The following SASS6 variants were observed in gnomAD, a reference collection of about 807,000 sequenced individuals.
SASS6 encodes spindle assembly abnormal protein 6 homolog.
Under a neutral mutation model 94.9 loss-of-function variants are expected in SASS6, and 59 were observed. The observed-to-expected ratio is 0.62, with a 90% CI of 0.50 to 0.77. SASS6 has a LOEUF of 0.77. Among genes scored for constraint, SASS6 ranks in the 30% least tolerant of loss-of-function variants. SASS6 has a pLI of 0.00. For synonymous variants in SASS6, 264 were observed against 270.0 expected (o/e 0.98, Z 0.22); for missense variants, 698 against 734.1 (o/e 0.95, Z 0.57).
At chr1:100,124,403 T>C (rs891961043) in intron 2 of SASS6, among the ~76,000 whole-genome samples, 1 of 152,174 alleles carries the variant, frequency 6.6e-6, no homozygotes, top group Non-Finnish European at 1.5e-5. Context: ...TTTTTTGACA[T>C]GGGGTCTCGC....
chr1:100,132,689 T>G (rs898814455), intron 1 of SASS6, 61 bp downstream of exon 1: 1 of 1,360,848 alleles, frequency 7.3e-7, no homozygotes, highest in African/African-American at 1.4e-5. Context: ...AGAACCGCCA[T>G]CTTTCCCCAT....
chr1:100,129,755 G>A (rs1486337733), intron 1 of SASS6, among the ~76,000 whole-genome samples: 3 of 152,158 alleles, frequency 2.0e-5, no homozygotes. Flanking sequence ...AAGAATGCTT[G>A]TATGACTTTC....
chr1:100,129,878 A>C (rs1185447303), intron 1 of SASS6, among the ~76,000 whole-genome samples: 1 of 152,230 alleles, frequency 6.6e-6, no homozygotes, highest in Non-Finnish European at 1.5e-5. Context: ...GATCATTACC[A>C]CTGTCCTCAA....
chr1:100,092,645 G>A (rs961980682), intron 14 of SASS6, among the ~76,000 whole-genome samples: 2 of 151,830 alleles, frequency 1.3e-5, no homozygotes, highest in Non-Finnish European at 2.9e-5. Context: ...GCGCAATCTC[G>A]GCTCGCTGCA....
At position 100,102,960 on chromosome 1, in the gene SASS6, T is replaced by C. The variant is rs1652610867; in HGVS notation, c.1669A>G (p.Thr557Ala). 1 of 1,610,170 alleles carries C rather than the reference T, an allele frequency of 6.2e-7. No homozygotes were observed. ...GTATTAGTTAATTTGGCTACCTTTG[T>C]TCCTGAACCAGGGTGGCTGGTATTT... ...AKNTSHPGSG[T>A]KVQFNLQFTK... Residue 557 changes from threonine (T) to alanine (A), a missense_variant, in exon 14 of 17, where the codon ACA (threonine) becomes GCA (alanine). Physicochemically the swap from Thr to Ala is moderately conservative, Grantham distance 58. Coordinates refer to ENST00000287482, the MANE Select transcript of SASS6 (RefSeq NM_194292.3).
rs146122041 is a variant in SASS6, at chr1:100,107,327, C to G, written c.1326+47G>C. 29,428 of 1,224,756 alleles carry G rather than the reference C, an allele frequency of 0.024. 534 individuals carry two copies. The highest frequency in any genetic ancestry group is 0.076 in the South Asian group (5,488 of 72,252). The allele number at this position is 1,224,756 out of a possible 1,614,324, so 75.9% of individuals were successfully genotyped here. A position where few individuals can be genotyped will look rare whatever the true frequency, so the allele number is the denominator to read the frequency against. On this transcript the variant is annotated intron_variant, in intron 11 of 16. Coordinates refer to ENST00000287482, the MANE Select transcript of SASS6 (RefSeq NM_194292.3). The stretch of plus-strand genomic sequence containing the variant: ...TGTAACAAAGCATAAATTTTTAAAA[C>G]GAGGAAAAAATTTAGTTACAACATA...
Position 100,086,615 on chromosome 1 carries a change from C to T in SASS6, c.1773-985G>A, listed in dbSNP as rs116808749. Among the ~76,000 whole-genome samples, 268 of 151,478 alleles carry T rather than the reference C, an allele frequency of 1.8e-3. 1 individual carries two copies. Among genetic ancestry groups the T allele is most frequent in the African/African-American group, 6.1e-3 (251 of 41,264 alleles). On this transcript the variant is annotated intron_variant, in intron 15 of 16. Coordinates refer to ENST00000287482, the MANE Select transcript of SASS6 (RefSeq NM_194292.3). ...TACTACAGACTCCAACTCCCAGGCT[C>T]AAGTGATCCCTCAGCCTCCCAAGCA...
chr1:100,121,256 C>G (rs974821335), intron 5 of SASS6, 122 bp downstream of exon 5: 2 of 589,614 alleles, frequency 3.4e-6, no homozygotes, highest in African/African-American at 3.9e-5. Flanking sequence ...AAAATAAATT[C>G]GTTATATTTC....
At chr1:100,112,244 T>G (rs1469275318) in intron 7 of SASS6, among the ~76,000 whole-genome samples, 3 of 151,954 alleles carry the variant, frequency 2.0e-5, no homozygotes, top group Non-Finnish European at 2.9e-5. Context: ...TGGAAGAATA[T>G]TAGATGAGAA....
intron 7 of SASS6, among the ~76,000 whole-genome samples, chr1:100,112,417 G>GA (rs1653416409): frequency 6.6e-6 from 1 of 151,822 alleles, no homozygotes; most frequent in South Asian, 2.1e-4. Flanking sequence ...TTTCCTCACA[G>GA]AAAAAAAGCT....
rs895332539 is a variant in SASS6 at position 100,107,834 on chromosome 1, T to C, written c.1032A>G (p.Ala344=). 1.2e-6 allele frequency: 2 copies of C among 1,611,746 alleles called. No individual in the cohort carries two copies. The highest frequency in any genetic ancestry group is 1.7e-5 in the Admixed American group (1 of 59,938). Residue 344 remains alanine (A), a synonymous_variant, in exon 9 of 17, where the codon GCA becomes GCG. Transcript: ENST00000287482. ...CCTTTTGTTCCTGGATTGTATCAAATGCCTCTTTTGTTCTTAAAACAAGCT... is the reference window on the plus strand; with the variant it reads ...CCTTTTGTTCCTGGATTGTATCAAACGCCTCTTTTGTTCTTAAAACAAGCT... ...KDQLVLRTKE[A]FDTIQEQKVV... is the part of the protein sequence containing the mutation.
At chr1:100,117,604 G>C (rs2101679521) in intron 7 of SASS6, among the ~76,000 whole-genome samples, 1 of 150,602 alleles carries the variant, frequency 6.6e-6, no homozygotes, top group East Asian at 2.0e-4. Context: ...AGTGAGCCGA[G>C]ATAGTGCCAC....
chr1:100,093,825 C>T (rs554747602), intron 14 of SASS6, among the ~76,000 whole-genome samples: 1 of 151,672 alleles, frequency 6.6e-6, no homozygotes, highest in Admixed American at 6.6e-5. Flanking sequence ...ATACAAATAC[C>T]AAAATTTGTG....
At chr1:100,085,461 CTGGTATTCATTAAGTCTT>C (rs777229719) in intron 16 of SASS6, 27 bp from the exon 17 acceptor site, 1 of 1,569,302 alleles carries the variant, frequency 6.4e-7, no homozygotes. Context: ...AAAAAGGTTA[CTGGTATTCATTAAGTCTT>C]CATACATTAA....
In SASS6 at chr1:100,110,425, T is replaced by C. The variant is rs769728804; in HGVS notation, c.728A>G (p.His243Arg). 103 of 1,611,640 alleles carry C rather than the reference T, an allele frequency of 6.4e-5. No individual in the cohort carries two copies. The highest frequency in any genetic ancestry group is 8.3e-5 in the Non-Finnish European group (98 of 1,178,382). Residue 243 changes from histidine (H) to arginine (R), a missense_variant, in exon 8 of 17, where the codon CAT (histidine) becomes CGT (arginine). His to Arg is a conservative substitution (Grantham distance 29). Coordinates refer to ENST00000287482, the MANE Select transcript of SASS6 (RefSeq NM_194292.3). ...TTGTAGCTGGTGGATGTTTTGTTGA[T>C]GGAGGATTTCTAAATCTTTTTTCTG... ...EQQKKDLEIL[H>R]QQNIHQLQNR...
intron 14 of SASS6, among the ~76,000 whole-genome samples, chr1:100,101,700 A>C (rs2101654748): frequency 1.3e-5 from 2 of 152,336 alleles, no homozygotes; most frequent in Middle Eastern, 6.8e-3. Flanking sequence ...CTTCGAATGC[A>C]CATATCTAAT....
chr1:100,116,679 T>C (rs1460263307), intron 7 of SASS6, among the ~76,000 whole-genome samples: 2 of 152,124 alleles, frequency 1.3e-5, no homozygotes, highest in Non-Finnish European at 2.9e-5. Flanking sequence ...CATATAACAA[T>C]AAAAGGAAAC....
At chr1:100,114,242 G>T (rs1653617350) in intron 7 of SASS6, among the ~76,000 whole-genome samples, 1 of 152,032 alleles carries the variant, frequency 6.6e-6, no homozygotes, top group African/African-American at 2.4e-5. Context: ...CTGTTTCAAA[G>T]AATAAAGAAA....
intron 7 of SASS6, among the ~76,000 whole-genome samples, chr1:100,115,169 A>G (rs2101675996): frequency 6.6e-6 from 1 of 152,336 alleles, no homozygotes; most frequent in African/African-American, 2.4e-5. Context: ...GGAAAACCTA[A>G]GAGAATCAAT....
Sources: allele counts gnomAD v4.1 joint callset (sites outside exome capture counted in the v4.1 genomes callset), GRCh38; gene constraint gnomAD v4.1.1; transcripts MANE v1.5; gene names NCBI Gene and HGNC (gene_info 2026-07-23, HGNC 2026-07-21).